Variants in LEKR1 observed in about 807,000 individuals in gnomAD.
LEKR1 encodes protein LEKR1.
In LEKR1, 59 loss-of-function variants were observed where a neutral mutation model predicts 72.4. That is an observed-to-expected ratio of 0.82 (90% confidence interval 0.66 to 1.01). The LOEUF (loss-of-function observed/expected upper bound fraction) is 1.01. Among genes scored for constraint, LEKR1 ranks in the 50% least tolerant of loss-of-function variants. The pLI is 0.00. For synonymous variants in LEKR1, 257 were observed against 263.2 expected, an observed-to-expected ratio of 0.98 and a Z score of 0.23; for missense variants, 728 against 759.2, an observed-to-expected ratio of 0.96 and a Z score of 0.48.
At chr3:156,995,415 C>CT (rs369353775) in intron 9 of LEKR1, among the ~76,000 whole-genome samples, 3 of 152,140 alleles carry the variant, frequency 2.0e-5, no homozygotes, top group African/African-American at 7.2e-5. Flanking sequence ...CTTTTCCTTT[C>CT]TTTTTTTTCT....
chr3:156,959,166 C>T (rs192737559), intron 6 of LEKR1, among the ~76,000 whole-genome samples: 1 of 152,094 alleles, frequency 6.6e-6, no homozygotes, highest in Non-Finnish European at 1.5e-5. Flanking sequence ...CCAGATAAAT[C>T]ATCAGGTTAA....
chr3:156,977,745 CT>C, intron 6 of LEKR1: 2 of 237,836 alleles, frequency 8.4e-6, no homozygotes, highest in Non-Finnish European at 8.9e-6. Flanking sequence ...GGAGTCAAAT[CT>C]TTTTGGTGCC....
intron 2 of LEKR1, among the ~76,000 whole-genome samples, chr3:156,831,746 A>G (rs1426632737): frequency 3.3e-5 from 5 of 152,196 alleles, no homozygotes; most frequent in South Asian, 2.1e-4. Flanking sequence ...TCATGATTCA[A>G]TTATCTCCCA....
intron 9 of LEKR1, among the ~76,000 whole-genome samples, chr3:156,994,730 A>G (rs908644181): frequency 2.0e-5 from 3 of 152,260 alleles, no homozygotes; most frequent in African/African-American, 4.8e-5. Flanking sequence ...AAAGACACAC[A>G]TCATACATCT....
At chr3:156,916,785 A>G (rs1379253771) in intron 3 of LEKR1, among the ~76,000 whole-genome samples, 1 of 152,066 alleles carries the variant, frequency 6.6e-6, no homozygotes, top group Non-Finnish European at 1.5e-5. Context: ...AGAACTTTCA[A>G]TAATATGTTG....
chr3:156,968,807 A>C (rs1728873751), intron 6 of LEKR1, among the ~76,000 whole-genome samples: 1 of 152,204 alleles, frequency 6.6e-6, no homozygotes, highest in Admixed American at 6.5e-5. Flanking sequence ...ACCCCAAATC[A>C]ACAGAATATA....
At chr3:156,893,010 G>A (rs1054661587) in intron 3 of LEKR1, among the ~76,000 whole-genome samples, 4 of 152,200 alleles carry the variant, frequency 2.6e-5, no homozygotes, top group Admixed American at 6.5e-5. Context: ...GAATACTGGA[G>A]CCTTGTAAGG....
intron 5 of LEKR1, among the ~76,000 whole-genome samples, chr3:156,937,938 T>C (rs1725868203): frequency 6.6e-6 from 1 of 152,182 alleles, no homozygotes; most frequent in Admixed American, 6.6e-5. Flanking sequence ...TATGATTTTG[T>C]TTATATAGCA....
intron 3 of LEKR1, among the ~76,000 whole-genome samples, chr3:156,899,537 T>C (rs542086011): frequency 7.1e-6 from 1 of 140,296 alleles, no homozygotes; most frequent in Non-Finnish European, 1.5e-5. Context: ...TATACACATA[T>C]ATACATATAT....
chr3:156,974,344 A>G (rs1269321556), intron 6 of LEKR1, among the ~76,000 whole-genome samples: 2 of 152,310 alleles, frequency 1.3e-5, no homozygotes, highest in East Asian at 3.9e-4. Flanking sequence ...ATTTTTTCAC[A>G]TGTTAAGATG....
At chr3:156,979,396 T>A in intron 7 of LEKR1, 121 bp downstream of exon 7, 1 of 417,928 alleles carries the variant, frequency 2.4e-6, no homozygotes, top group East Asian at 7.2e-5. Flanking sequence ...GTGATTCTTT[T>A]GGCAGTGATT....
intron 5 of LEKR1, among the ~76,000 whole-genome samples, chr3:156,937,930 T>C (rs565327265): frequency 3.3e-5 from 5 of 152,316 alleles, no homozygotes; most frequent in African/African-American, 9.6e-5. Flanking sequence ...ACATAAGATA[T>C]GATTTTGTTT....
At chr3:157,016,032 T>A (rs1043045461) in intron 10 of LEKR1, among the ~76,000 whole-genome samples, 9 of 151,610 alleles carry the variant, frequency 5.9e-5, no homozygotes, top group Non-Finnish European at 1.2e-4. Context: ...CAAGATAGAA[T>A]AGACTCCAAA....
At chr3:156,883,564 G>T (rs779961929) in intron 3 of LEKR1, among the ~76,000 whole-genome samples, 9 of 152,158 alleles carry the variant, frequency 5.9e-5, no homozygotes, top group Non-Finnish European at 1.0e-4. Context: ...CCCACTTGTG[G>T]GAGGGACTTG....
chr3:156,975,138 A>G (rs1451538214), intron 6 of LEKR1, among the ~76,000 whole-genome samples: 1 of 152,210 alleles, frequency 6.6e-6, no homozygotes, highest in African/African-American at 2.4e-5. Flanking sequence ...GTTAACAGTT[A>G]ACAGGAAGCA....
At chr3:156,839,238 C>T (rs562737851) in intron 2 of LEKR1, among the ~76,000 whole-genome samples, 1 of 152,238 alleles carries the variant, frequency 6.6e-6, no homozygotes, top group Non-Finnish European at 1.5e-5. Context: ...AAGGCTTGGA[C>T]AAGGAGATTG....
chr3:156,993,290 A>ACATTT lies in LEKR1; in HGVS notation c.1109+13_1109+14insCATTT, dbSNP rs772407445. On this transcript the variant is annotated intron_variant, in intron 9 of 12. Coordinates refer to ENST00000356539, the MANE Select transcript of LEKR1 (RefSeq NM_001004316.3). Reference sequence around the variant, plus strand: ...TGAAAAATGAAAGGTGCAGTAAACAATAATTTCTTACAAAAACATTTTATG... The same window carrying ACATTT: ...TGAAAAATGAAAGGTGCAGTAAACAACATTTTAATTTCTTACAAAAACATTTTATG... 6.5e-7 allele frequency: 1 copy of ACATTT among 1,527,752 alleles called. No homozygotes were observed. Among genetic ancestry groups the ACATTT allele is most frequent in the Non-Finnish European group, 8.9e-7 (1 of 1,129,372 alleles). 94.6% of individuals were successfully genotyped at this position (1,527,752 alleles called of 1,614,324 possible). A position where few individuals can be genotyped will look rare whatever the true frequency, so the allele number is the denominator to read the frequency against.
chr3:156,922,759 A>G (rs2108573587), intron 4 of LEKR1, among the ~76,000 whole-genome samples: 1 of 152,320 alleles, frequency 6.6e-6, no homozygotes, highest in Admixed American at 6.5e-5. Context: ...GGCCTATAAA[A>G]TAGATATTAA....
At chr3:156,858,152 T>C (rs762097802) in intron 3 of LEKR1, among the ~76,000 whole-genome samples, 4 of 152,324 alleles carry the variant, frequency 2.6e-5, no homozygotes, top group East Asian at 1.9e-4. Flanking sequence ...TTTAGTATTA[T>C]AGAGTATCCT....
Sources: gnomAD v4.1 joint callset for allele counts (sites outside exome capture counted in the v4.1 genomes callset) on GRCh38, gnomAD v4.1.1 for gene constraint, MANE v1.5 for transcripts, NCBI Gene and HGNC (gene_info 2026-07-23, HGNC 2026-07-21) for gene names.